The following STARD13 variants were observed in gnomAD, a reference collection of about 807,000 sequenced individuals.
STARD13 encodes stAR-related lipid transfer protein 13.
Under a neutral mutation model 106.4 loss-of-function variants are expected in STARD13, and 62 were observed. The observed-to-expected ratio is 0.58, with a 90% confidence interval of 0.48 to 0.72. The LOEUF (loss-of-function observed/expected upper bound fraction) is 0.72. STARD13 is among the 30% of genes least tolerant of loss of function. The pLI is 0.00. For missense variants in STARD13, 1,387 were observed against 1,424.0 expected, an observed-to-expected ratio of 0.97 and a Z score of 0.42; for synonymous variants, 565 against 553.0, an observed-to-expected ratio of 1.02 and a Z score of -0.31.
intron 3 of STARD13, among the ~76,000 whole-genome samples, chr13:33,160,014 C>T (rs1882435897): frequency 6.6e-6 from 1 of 152,080 alleles, no homozygotes; most frequent in South Asian, 2.1e-4. Context: ...GTCAGAGGCA[C>T]TAGAATAGCC....
the STARD13 span, among the ~76,000 whole-genome samples, chr13:33,671,129 T>G: frequency 2.0e-5 from 3 of 152,230 alleles, no homozygotes; most frequent in Admixed American, 1.3e-4. Context: ...ATAGTTTGAT[T>G]TTTTATTTCT....
chr13:33,166,472 T>C (rs1004382558), intron 2 of STARD13, among the ~76,000 whole-genome samples: 1 of 152,118 alleles, frequency 6.6e-6, no homozygotes, highest in African/African-American at 2.4e-5. Flanking sequence ...AGCCCTGGGC[T>C]CTTGCACTGT....
the STARD13 span, among the ~76,000 whole-genome samples, chr13:33,641,982 T>G: frequency 2.6e-5 from 4 of 152,254 alleles, no homozygotes; most frequent in Non-Finnish European, 5.9e-5. Flanking sequence ...ACAACTATTA[T>G]CTACCAATGG....
At chr13:33,517,654 G>T in the STARD13 span, among the ~76,000 whole-genome samples, 1 of 152,142 alleles carries the variant, frequency 6.6e-6, no homozygotes, top group African/African-American at 2.4e-5. Context: ...AACTGATTGT[G>T]TTTGTCTTGA....
chr13:33,317,314 T>C (rs1893378580), intron 1 of STARD13, among the ~76,000 whole-genome samples: 1 of 152,158 alleles, frequency 6.6e-6, no homozygotes, highest in Non-Finnish European at 1.5e-5. Context: ...AATAGCATCT[T>C]CATTCAGCCA....
the STARD13 span, among the ~76,000 whole-genome samples, chr13:33,663,654 A>T: frequency 6.6e-6 from 1 of 152,210 alleles, no homozygotes; most frequent in Admixed American, 6.5e-5. Flanking sequence ...GAGTATGACT[A>T]TAAGGGAATT....
the STARD13 span, among the ~76,000 whole-genome samples, chr13:33,580,219 T>C: frequency 1.3e-5 from 2 of 152,076 alleles, no homozygotes; most frequent in African/African-American, 4.8e-5. Flanking sequence ...TGGAATATTA[T>C]TCAGTGATTA....
the STARD13 span, among the ~76,000 whole-genome samples, chr13:33,489,918 C>A: frequency 6.6e-6 from 1 of 151,922 alleles, no homozygotes; most frequent in African/African-American, 2.4e-5. Context: ...AGATCATTTT[C>A]AAAATTGGAA....
At chr13:33,419,141 CAGA>C in the STARD13 span, among the ~76,000 whole-genome samples, 2 of 152,160 alleles carry the variant, frequency 1.3e-5, no homozygotes, top group South Asian at 4.2e-4. Context: ...AAGTAAGCTT[CAGA>C]AGGTTGGTAA....
At chr13:33,113,130 C>T (rs1874861981) in intron 8 of STARD13, 199 bp from the exon 9 acceptor site, 3 of 550,652 alleles carry the variant, frequency 5.4e-6, no homozygotes, top group Admixed American at 3.3e-5. Flanking sequence ...AGAGCTGAGT[C>T]CCAACCCTTG....
the STARD13 span, among the ~76,000 whole-genome samples, chr13:33,628,699 G>C: frequency 6.6e-6 from 1 of 152,170 alleles, no homozygotes; most frequent in Non-Finnish European, 1.5e-5. Context: ...CAGCAGATGG[G>C]AATGACTGAC....
At chr13:33,304,592 C>A (rs1026029920) in intron 1 of STARD13, among the ~76,000 whole-genome samples, 1 of 152,276 alleles carries the variant, frequency 6.6e-6, no homozygotes, top group Admixed American at 6.5e-5. Flanking sequence ...AACTTTAATG[C>A]ATGAGTTTTA....
At chr13:33,178,141 T>C (rs1884889832) in intron 1 of STARD13, among the ~76,000 whole-genome samples, 2 of 152,362 alleles carry the variant, frequency 1.3e-5, no homozygotes, top group Admixed American at 1.3e-4. Flanking sequence ...GATGTGTTCA[T>C]GTATCTAGGC....
At chr13:33,421,243 T>TA in the STARD13 span, among the ~76,000 whole-genome samples, 3 of 151,578 alleles carry the variant, frequency 2.0e-5, no homozygotes, top group Admixed American at 6.6e-5. Flanking sequence ...ATAGACACAA[T>TA]AAAAAAATGA....
intron 1 of STARD13, among the ~76,000 whole-genome samples, chr13:33,321,182 T>A (rs542522557): frequency 6.6e-6 from 1 of 152,150 alleles, no homozygotes; most frequent in Non-Finnish European, 1.5e-5. Context: ...CTAGTAAACC[T>A]GATTTCTGTA....
At chr13:33,458,614 T>A in the STARD13 span, among the ~76,000 whole-genome samples, 1 of 152,110 alleles carries the variant, frequency 6.6e-6, no homozygotes. Context: ...TCAAGGCTGC[T>A]GCTAACACAG....
chr13:33,477,587 T>G, the STARD13 span, among the ~76,000 whole-genome samples: 1 of 152,198 alleles, frequency 6.6e-6, no homozygotes, highest in African/African-American at 2.4e-5. Flanking sequence ...CCAGCCATGA[T>G]GGGATGGGAG....
At chr13:33,352,950 A>G (rs1024244792), upstream of STARD13, among the ~76,000 whole-genome samples, 33 of 151,954 alleles carry the variant, frequency 2.2e-4, no homozygotes, top group African/African-American at 7.5e-4. Flanking sequence ...AACTCAGGTA[A>G]CCCCCTAGCC....
intron 1 of STARD13, among the ~76,000 whole-genome samples, chr13:33,311,265 C>G (rs1329204562): frequency 1.3e-5 from 2 of 151,968 alleles, no homozygotes; most frequent in Non-Finnish European, 2.9e-5. Context: ...CCACTGCACT[C>G]CAGCCTGGGC....
Sources: gnomAD v4.1 joint callset for allele counts (sites outside exome capture counted in the v4.1 genomes callset) on GRCh38, gnomAD v4.1.1 for gene constraint, MANE v1.5 for transcripts, NCBI Gene and HGNC (gene_info 2026-07-23, HGNC 2026-07-21) for gene names.